Variants in NLGN4X observed in about 807,000 individuals in gnomAD.
NLGN4X encodes the protein neuroligin-4, X-linked.
Under a neutral mutation model 40.3 loss-of-function variants are expected in NLGN4X, and 3 were observed. That is an observed-to-expected ratio of 0.07 (90% CI 0.03 to 0.19). The LOEUF (loss-of-function observed/expected upper bound fraction) is 0.19. NLGN4X is among the 10% of genes least tolerant of loss of function. The probability of loss-of-function intolerance (pLI) is 1.00; values close to 1 mark genes in which losing one functional copy is unlikely to be tolerated. For synonymous variants in NLGN4X, 270 were observed against 306.8 expected (o/e 0.88, Z 1.25); for missense variants, 382 against 708.3 (o/e 0.54, Z 5.23).
At chrX:6,129,185 C>T (rs1297855234) in intron 2 of NLGN4X, among the ~76,000 whole-genome samples, 1 of 112,371 alleles carries the variant, frequency 8.9e-6, no homozygotes, top group East Asian at 2.8e-4. Flanking sequence ...AAAGAAACAA[C>T]AGGTCGACCA....
chrX:6,185,391 T>C lies in NLGN4X; in HGVS notation c.-305-33620A>G, dbSNP rs115161411. 1.5e-3 allele frequency among the ~76,000 whole-genome samples: 169 copies of C among 112,403 alleles called. 1 individual carries two copies. The highest frequency in any genetic ancestry group is 5.1e-3 in the African/African-American group (157 of 30,964). On this transcript the variant is annotated intron_variant, in intron 1 of 5. Coordinates refer to ENST00000381095, the MANE Select transcript of NLGN4X (RefSeq NM_181332.3). Reference sequence around the variant, plus strand: ...AGTATAAAAGATTAAGAGAATGTTTTTCAGCAAAAGATCCTTAATCATCTG... The same window carrying C: ...AGTATAAAAGATTAAGAGAATGTTTCTCAGCAAAAGATCCTTAATCATCTG...
At chrX:5,959,422 T>C (rs1408545906) in intron 3 of NLGN4X, among the ~76,000 whole-genome samples, 2 of 112,016 alleles carry the variant, frequency 1.8e-5, no homozygotes, top group African/African-American at 6.5e-5. Flanking sequence ...TGAGAGTTCA[T>C]GCTAACATTC....
intron 3 of NLGN4X, among the ~76,000 whole-genome samples, chrX:5,925,877 CACACATATATATATATAT>C (rs2033267410): frequency 1.8e-4 from 2 of 11,119 alleles, no homozygotes; most frequent in African/African-American, 6.4e-4. Context: ...TATATACATA[CACACATATATATATATAT>C]ATATATATAT....
intron 1 of NLGN4X, among the ~76,000 whole-genome samples, chrX:6,166,567 A>G (rs1477484297): frequency 8.9e-6 from 1 of 111,946 alleles, no homozygotes; most frequent in East Asian, 2.8e-4. Context: ...TAGCGTGCAC[A>G]GCTGAGAATC....
rs1474827539 is a variant in NLGN4X at position 6,222,915 on chromosome X, C to T, written c.-306+5626G>A. Among the ~76,000 whole-genome samples the T allele has an allele frequency of 7.2e-5, 8 of 111,885 alleles. No individual in the cohort carries two copies. The East Asian group carries it at 2.3e-3, about 32-fold the overall frequency. On this transcript the variant is annotated intron_variant, in intron 1 of 5. Transcript: ENST00000381095. The stretch of plus-strand genomic sequence containing the variant: ...GTGAAGAAGGAAGTATTTGCTTCCC[C>T]TTCCACCATGATTGTAAGTTTCCTG...
intron 2 of NLGN4X, among the ~76,000 whole-genome samples, chrX:6,032,070 C>G (rs372039076): frequency 1.0e-5 from 1 of 96,788 alleles, no homozygotes; most frequent in South Asian, 6.6e-4. Context: ...CCCACCCCCC[C>G]TTAAATGCTG....
chrX:5,942,538 T>C (rs1184838991), intron 3 of NLGN4X, among the ~76,000 whole-genome samples: 1 of 109,881 alleles, frequency 9.1e-6, no homozygotes, highest in African/African-American at 3.3e-5. Flanking sequence ...AAAAATTAGG[T>C]GGTGTGGTGG....
intron 1 of NLGN4X, among the ~76,000 whole-genome samples, chrX:6,196,551 CAAAAAAAAAAAAAAA>C (rs374097705): frequency 1.3e-4 from 3 of 23,318 alleles, no homozygotes; most frequent in Non-Finnish European, 1.7e-4. Flanking sequence ...GACTCTGTCT[CAAAAAAAAAAAAAAA>C]AAAAAAAAAA....
chrX:5,992,334 G>A (rs1338550818), intron 3 of NLGN4X, among the ~76,000 whole-genome samples: 1 of 112,054 alleles, frequency 8.9e-6, no homozygotes, highest in African/African-American at 3.2e-5. Flanking sequence ...GTCCAGGCAT[G>A]GTGGCTCACA....
intron 2 of NLGN4X, among the ~76,000 whole-genome samples, chrX:6,136,584 G>C (rs1173380033): frequency 8.9e-6 from 1 of 112,080 alleles, no homozygotes; most frequent in Non-Finnish European, 1.9e-5. Context: ...TGTTTAATAT[G>C]GCTGCTCTTT....
intron 2 of NLGN4X, among the ~76,000 whole-genome samples, chrX:6,106,334 C>T (rs1184749883): frequency 9.0e-6 from 1 of 111,416 alleles, no homozygotes; most frequent in Admixed American, 9.5e-5. Context: ...TAAAGAGCAC[C>T]CCATTTACAG....
chrX:6,124,713 G>A (rs1402631424), intron 2 of NLGN4X, among the ~76,000 whole-genome samples: 1 of 111,415 alleles, frequency 9.0e-6, no homozygotes, highest in Non-Finnish European at 1.9e-5. Context: ...ATAAGATATA[G>A]AAGACTGAAG....
chrX:5,926,633 T>A (rs73627032), intron 3 of NLGN4X, among the ~76,000 whole-genome samples: 1,545 of 110,754 alleles, frequency 0.014, 21 homozygotes, highest in African/African-American at 0.048. Context: ...AGTACAAATA[T>A]TCTTACAGAT....
chrX:6,175,565 G>A (rs1310009890), intron 1 of NLGN4X, among the ~76,000 whole-genome samples: 1 of 103,936 alleles, frequency 9.6e-6, no homozygotes, highest in East Asian at 3.0e-4. Flanking sequence ...AAAGTAAGAT[G>A]GAACCAGAAG....
chrX:6,018,589 T>C (rs2036453109), intron 3 of NLGN4X, among the ~76,000 whole-genome samples: 2 of 111,603 alleles, frequency 1.8e-5, no homozygotes, highest in Middle Eastern at 4.6e-3. Flanking sequence ...GCCTCGCGAG[T>C]AGCTGAGACT....
intron 2 of NLGN4X, among the ~76,000 whole-genome samples, chrX:6,083,558 G>C (rs760709420): frequency 5.3e-5 from 6 of 112,203 alleles, no homozygotes; most frequent in Middle Eastern, 4.6e-3. Flanking sequence ...GGAGGCAGAA[G>C]AGTAATGGAC....
At chrX:5,976,723 T>A (rs372375718) in intron 3 of NLGN4X, among the ~76,000 whole-genome samples, 54 of 112,848 alleles carry the variant, frequency 4.8e-4, no homozygotes, top group African/African-American at 1.7e-3. Context: ...ATCAGTGTGT[T>A]TACACTACAA....
At chrX:5,956,072 C>G (rs2034483315) in intron 3 of NLGN4X, among the ~76,000 whole-genome samples, 1 of 108,742 alleles carries the variant, frequency 9.2e-6, no homozygotes, top group Non-Finnish European at 1.9e-5. Flanking sequence ...AATACAAAGT[C>G]CTGCAAAACT....
At chrX:6,115,527 T>C (rs777474082) in intron 2 of NLGN4X, among the ~76,000 whole-genome samples, 2 of 111,551 alleles carry the variant, frequency 1.8e-5, no homozygotes, top group Non-Finnish European at 3.8e-5. Flanking sequence ...AGCATCCCAC[T>C]GAGGGACGAG....
Sources: gnomAD v4.1 joint callset for allele counts (sites outside exome capture counted in the v4.1 genomes callset) on GRCh38, gnomAD v4.1.1 for gene constraint, MANE v1.5 for transcripts, NCBI Gene and HGNC (gene_info 2026-07-23, HGNC 2026-07-21) for gene names.